Variants in MLPH observed in about 807,000 individuals in gnomAD.
MLPH encodes melanophilin, also known as exophilin-3.
A neutral mutation model predicts 72.1 loss-of-function variants in MLPH; 51 were observed. The observed-to-expected ratio is 0.71, with a 90% CI of 0.56 to 0.89. The LOEUF (loss-of-function observed/expected upper bound fraction) is 0.89. Among genes scored for constraint, MLPH ranks in the 40% least tolerant of loss-of-function variants. The pLI is 0.00. For missense variants in MLPH, 743 were observed against 759.9 expected, an observed-to-expected ratio of 0.98 and a Z score of 0.26; for synonymous variants, 301 against 310.1, an observed-to-expected ratio of 0.97 and a Z score of 0.31.
In MLPH at chr2:237,540,930, C is replaced by T. The variant is rs1398803014; in HGVS notation, c.1419C>T (p.Ala473=). 6.2e-7 allele frequency: 1 copy of T among 1,609,234 alleles called. No individual in the cohort carries two copies. Among genetic ancestry groups the T allele is most frequent in the Non-Finnish European group, 8.5e-7 (1 of 1,178,356 alleles). The change falls in exon 11 of 16, where the codon GCC becomes GCT. Residue 473 remains alanine (A), a synonymous_variant. Transcript: ENST00000264605. ...TGGAGGACAGAGTGGCAGTGACGGC[C>T]TCAGAAGTCCAGCAGGCAGAGAGCG... is the stretch of plus-strand genomic sequence containing the variant. The part of the protein sequence containing the change: ...SELEDRVAVT[A]SEVQQAESEV...
intron 14 of MLPH, 150 bp downstream of exon 14, chr2:237,549,428 G>A: frequency 2.4e-6 from 2 of 839,252 alleles, no homozygotes; most frequent in Admixed American, 1.7e-5. Flanking sequence ...TGCCGCTCGG[G>A]CCACCCTCAG....
chr2:237,508,943 T>C (rs2079832918), intron 2 of MLPH, among the ~76,000 whole-genome samples: 1 of 152,256 alleles, frequency 6.6e-6, no homozygotes, highest in Admixed American at 6.5e-5. Context: ...CTTTTATTCC[T>C]GAAGCTAACT....
chr2:237,554,120 G>T lies in MLPH; in HGVS notation c.*528G>T. ...AACTAATGATCTGCTGAATAATGAAGGAGGAATAGACACCCCAGTCCCCAC... is the reference window on the plus strand; with the variant it reads ...AACTAATGATCTGCTGAATAATGAATGAGGAATAGACACCCCAGTCCCCAC... On this transcript the variant is annotated 3_prime_UTR_variant, in exon 16 of 16. Coordinates refer to ENST00000264605, the MANE Select transcript of MLPH (RefSeq NM_024101.7). 2 of 270,522 alleles carry T rather than the reference G, an allele frequency of 7.4e-6. No homozygotes were observed. The highest frequency in any genetic ancestry group is 9.1e-5 in the South Asian group (2 of 22,094). 16.8% of individuals were successfully genotyped at this position (270,522 alleles called of 1,614,324 possible). A position where few individuals can be genotyped will look rare whatever the true frequency, so the allele number is the denominator to read the frequency against.
chr2:237,528,444 G>A (rs1172445561), intron 8 of MLPH, among the ~76,000 whole-genome samples: 9 of 151,678 alleles, frequency 5.9e-5, no homozygotes, highest in South Asian at 4.2e-4. Context: ...TCCACCTCCC[G>A]GGTTCAAGTG....
chr2:237,490,697 G>T (rs904397866), intron 1 of MLPH, among the ~76,000 whole-genome samples: 1 of 152,028 alleles, frequency 6.6e-6, no homozygotes, highest in Admixed American at 6.5e-5. Context: ...CAGAACTCAT[G>T]AAAAATAAAA....
chr2:237,520,760 T>A, intron 6 of MLPH, among the ~76,000 whole-genome samples: 1 of 152,184 alleles, frequency 6.6e-6, no homozygotes, highest in Non-Finnish European at 1.5e-5. Flanking sequence ...TCTGAGTAGA[T>A]ACGGTAATGG....
rs191454012 is a variant in MLPH at position 237,527,548 on chromosome 2, C to A, written c.1020+32C>A. On this transcript the variant is annotated intron_variant, in intron 8 of 15. Transcript: ENST00000264605. ...GTGGCTGGAAAGACTTCTGTCTTGTCGTTTCTTTGGGTGGAGTCTTTTTAC... is the reference window on the plus strand; with the variant it reads ...GTGGCTGGAAAGACTTCTGTCTTGTAGTTTCTTTGGGTGGAGTCTTTTTAC... 2,278 of 1,613,538 alleles carry A rather than the reference C, an allele frequency of 1.4e-3. 18 individuals are homozygous for A. Among genetic ancestry groups the A allele is most frequent in the Middle Eastern group, 1.0e-3 (6 of 5,728 alleles).
chr2:237,553,427 G>T, intron 15 of MLPH, 139 bp from the exon 16 acceptor site: 1 of 841,868 alleles, frequency 1.2e-6, no homozygotes, highest in Non-Finnish European at 1.9e-6. Context: ...GTGCACAAAC[G>T]TGTAATCTAA....
chr2:237,528,437 A>G (rs10186470), intron 8 of MLPH, among the ~76,000 whole-genome samples: 61,226 of 151,028 alleles, frequency 0.41, 15,423 homozygotes, highest in African/African-American at 0.72. Context: ...TGCAACCTCC[A>G]CCTCCCGGGT....
At chr2:237,542,478 C>A (rs1445845494) in intron 11 of MLPH, 89 bp from the exon 12 acceptor site, 30 of 1,069,278 alleles carry the variant, frequency 2.8e-5, no homozygotes, top group Non-Finnish European at 2.8e-6. Flanking sequence ...CAGGACTGAG[C>A]TGGGGGCAGC....
Position 237,502,399 on chromosome 2 carries a change from C to T in MLPH, c.111-8175C>T, listed in dbSNP as rs373092102. Reference sequence around the variant, plus strand: ...TGGACCCAAGGGACCTGGGGCTGTGCACAAAAGGAGCAGGCCTCCTCCTGG... The same window carrying T: ...TGGACCCAAGGGACCTGGGGCTGTGTACAAAAGGAGCAGGCCTCCTCCTGG... On this transcript the variant is annotated intron_variant, in intron 2 of 15. Transcript: ENST00000264605. Among the ~76,000 whole-genome samples the T allele has an allele frequency of 4.6e-5, 7 of 152,314 alleles. No individual in the cohort carries two copies. The East Asian group carries it at 1.2e-3, about 25-fold the overall frequency.
chr2:237,513,229 C>T (rs74898994), intron 4 of MLPH, among the ~76,000 whole-genome samples: 2,611 of 152,302 alleles, frequency 0.017, 50 homozygotes, highest in South Asian at 0.07. Context: ...ATTGAGTGAA[C>T]CTTCAGAGTG....
At chr2:237,533,390 CTTTTTTTT>C (rs746139615) in intron 8 of MLPH, among the ~76,000 whole-genome samples, 90 of 107,986 alleles carry the variant, frequency 8.3e-4, no homozygotes, top group African/African-American at 3.2e-3. Flanking sequence ...ATTTTCTTTT[CTTTTTTTT>C]TTTTTTTTTT....
intron 2 of MLPH, among the ~76,000 whole-genome samples, chr2:237,508,156 C>A (rs949006820): frequency 1.3e-5 from 2 of 152,120 alleles, no homozygotes; most frequent in Admixed American, 1.3e-4. Context: ...CTGTCACCCA[C>A]GCTGGAGTGC....
In MLPH at chr2:237,518,563, A is replaced by C. The variant is rs746134989; in HGVS notation, c.470A>C (p.Glu157Ala). The change falls in exon 5 of 16, where the codon GAG becomes GCG. Residue 157 changes from glutamate to alanine, a missense_variant. Glu to Ala is a moderately radical substitution (Grantham distance 107). Transcript: ENST00000264605. ...GGAGPELISE[E>A]RSGDSDQTDE... ...GCTGGGCCTGAACTGATATCTGAAG[A>C]GAGAAGTGGAGACAGCGACCAGACA... is the stretch of plus-strand genomic sequence containing the variant. 3 of 1,613,790 alleles carry C rather than the reference A, an allele frequency of 1.9e-6. No individual in the cohort carries two copies. The South Asian group carries it at 3.3e-5, about 18-fold the overall frequency.
upstream of MLPH, chr2:237,486,502 A>G (rs1050178051): frequency 6.6e-6 from 1 of 152,254 alleles, no homozygotes; most frequent in African/African-American, 2.4e-5. Context: ...TGAGCACCCA[A>G]AGGCCGGCCC....
intron 1 of MLPH, among the ~76,000 whole-genome samples, chr2:237,492,108 G>C (rs1419720636): frequency 6.6e-6 from 1 of 152,206 alleles, no homozygotes; most frequent in Non-Finnish European, 1.5e-5. Context: ...AGGGGATGCT[G>C]CCAGTCCACG....
At position 237,493,646 on chromosome 2, in the gene MLPH, G is replaced by A. The variant is rs931964351; in HGVS notation, c.110+110G>A. The A allele has an allele frequency of 5.1e-6, 4 of 787,500 alleles. No individual in the cohort carries two copies. The African/African-American group carries it at 6.8e-5, about 13-fold the overall frequency. The allele number at this position is 787,500 out of a possible 1,614,324, so 48.8% of individuals were successfully genotyped here. A position where few individuals can be genotyped will look rare whatever the true frequency, so the allele number is the denominator to read the frequency against. ...AACAGCCACGTGCAGGGTGAAGAGT[G>A]ATGGACAGGAAGCCAGGTCTGGGAC... is the stretch of plus-strand genomic sequence containing the variant. On this transcript the variant is annotated intron_variant, in intron 2 of 15. Coordinates refer to ENST00000264605, the MANE Select transcript of MLPH (RefSeq NM_024101.7).
chr2:237,538,309 G>A (rs866664773), intron 9 of MLPH, among the ~76,000 whole-genome samples: 2 of 152,226 alleles, frequency 1.3e-5, no homozygotes, highest in Admixed American at 6.5e-5. Context: ...GTGTTACTGT[G>A]CACATGAACA....
Sources: allele counts gnomAD v4.1 joint callset (sites outside exome capture counted in the v4.1 genomes callset), GRCh38; gene constraint gnomAD v4.1.1; transcripts MANE v1.5; gene names NCBI Gene and HGNC (gene_info 2026-07-23, HGNC 2026-07-21).